ST7: variants seen among roughly 807,000 people sequenced by gnomAD.
The protein encoded by ST7 is suppressor of tumorigenicity 7 protein.
A neutral mutation model predicts 78.7 loss-of-function variants in ST7; 28 were observed. The observed-to-expected ratio is 0.36, with a 90% CI of 0.26 to 0.49. The LOEUF (loss-of-function observed/expected upper bound fraction) is 0.49. ST7 is among the 20% of genes least tolerant of loss of function. The pLI, the probability that ST7 is intolerant of heterozygous loss-of-function variation, is 0.99. For missense variants in ST7, 418 were observed against 696.0 expected (o/e 0.60, Z 4.49); for synonymous variants, 247 against 249.6 (o/e 0.99, Z 0.10).
At chr7:116,959,929 G>A (rs1287833119) in intron 1 of ST7, 1 of 153,414 alleles carries the variant, frequency 6.5e-6, no homozygotes, top group Middle Eastern at 7.6e-4. Context: ...TGAGTGCAAA[G>A]TGTAGCACCA....
At chr7:117,208,925 GT>G (rs879876361) in intron 12 of ST7, among the ~76,000 whole-genome samples, 1,586 of 151,386 alleles carry the variant, frequency 0.01, 26 homozygotes, top group Middle Eastern at 0.034. Flanking sequence ...GTGTGTGTGT[GT>G]GTGTGTGTGT....
At chr7:117,086,485 A>G (rs1034619134) in intron 1 of ST7, among the ~76,000 whole-genome samples, 5 of 152,274 alleles carry the variant, frequency 3.3e-5, no homozygotes, top group Non-Finnish European at 5.9e-5. Context: ...TCTGCATTAC[A>G]GATGAATAGA....
chr7:117,171,024 T>C, intron 10 of ST7, 48 bp downstream of exon 10: 2 of 1,300,328 alleles, frequency 1.5e-6, no homozygotes, highest in Non-Finnish European at 2.2e-6. Flanking sequence ...TCTTTTGATG[T>C]ATTTTCCCTG....
chr7:117,050,110 G>A (rs996782621), intron 1 of ST7, among the ~76,000 whole-genome samples: 1 of 151,752 alleles, frequency 6.6e-6, no homozygotes. Flanking sequence ...AGCTACTCGG[G>A]AGGCTGAGCC....
intron 9 of ST7, among the ~76,000 whole-genome samples, chr7:117,147,797 C>A (rs1805924174): frequency 6.6e-6 from 1 of 152,100 alleles, no homozygotes; most frequent in Non-Finnish European, 1.5e-5. Context: ...TGATCCTAAG[C>A]ATTTTTAAAT....
chr7:117,032,239 A>G (rs1796639142), intron 1 of ST7, among the ~76,000 whole-genome samples: 1 of 152,072 alleles, frequency 6.6e-6, no homozygotes, highest in Non-Finnish European at 1.5e-5. Flanking sequence ...AACATTTAAA[A>G]ATTATGTTTA....
chr7:117,178,359 G>A (rs745913889), intron 10 of ST7, among the ~76,000 whole-genome samples: 3 of 152,288 alleles, frequency 2.0e-5, no homozygotes, highest in South Asian at 4.1e-4. Flanking sequence ...CAGGCGAAGC[G>A]AGATGAATCA....
chr7:117,160,085 T>C (rs1708621826), intron 9 of ST7, among the ~76,000 whole-genome samples: 1 of 150,512 alleles, frequency 6.6e-6, no homozygotes, highest in Admixed American at 6.6e-5. Context: ...TAATTTAATT[T>C]AATTCTTCAG....
chr7:117,185,035 A>G (rs1809125800), intron 10 of ST7, among the ~76,000 whole-genome samples: 1 of 152,190 alleles, frequency 6.6e-6, no homozygotes, highest in African/African-American at 2.4e-5. Flanking sequence ...GGAGGTGCTC[A>G]TGGAGCAGGC....
intron 9 of ST7, among the ~76,000 whole-genome samples, chr7:117,151,898 T>A (rs1806273900): frequency 6.6e-6 from 1 of 151,900 alleles, no homozygotes; most frequent in South Asian, 2.1e-4. Flanking sequence ...GGCAGGTGGA[T>A]CACTTGAGGT....
At chr7:117,196,737 C>T (rs1810355245) in intron 12 of ST7, among the ~76,000 whole-genome samples, 1 of 145,398 alleles carries the variant, frequency 6.9e-6, no homozygotes, top group African/African-American at 2.6e-5. Flanking sequence ...CTCTATTCCA[C>T]AGGTTACCTT....
At chr7:117,173,540 G>A (rs1022657714) in intron 10 of ST7, 5 of 152,244 alleles carry the variant, frequency 3.3e-5, no homozygotes, top group Non-Finnish European at 7.3e-5. Flanking sequence ...TGAGTTGCTG[G>A]TTCCTTATCT....
At chr7:116,955,156 A>G (rs916959434) in intron 1 of ST7, 1 of 470,306 alleles carries the variant, frequency 2.1e-6, no homozygotes, top group Non-Finnish European at 4.4e-6. Context: ...TTAGACAAGT[A>G]TGTCTCCAGG....
At chr7:116,962,987 A>AT (rs943193667) in intron 1 of ST7, among the ~76,000 whole-genome samples, 2 of 152,306 alleles carry the variant, frequency 1.3e-5, no homozygotes, top group African/African-American at 4.8e-5. Flanking sequence ...TGTAAAATGA[A>AT]TAAGTGCTTT....
chr7:117,056,293 G>T (rs548884354), intron 1 of ST7, among the ~76,000 whole-genome samples: 5 of 152,166 alleles, frequency 3.3e-5, no homozygotes, highest in Non-Finnish European at 5.9e-5. Context: ...GTGCAGTGCT[G>T]CTGAGTATAT....
intron 12 of ST7, among the ~76,000 whole-genome samples, chr7:117,200,942 G>A (rs1186771474): frequency 6.6e-6 from 1 of 151,764 alleles, no homozygotes; most frequent in Non-Finnish European, 1.5e-5. Context: ...TGCTAATGGA[G>A]TACCTACAGG....
intron 12 of ST7, 73 bp from the exon 13 acceptor site, chr7:117,209,714 C>T: frequency 6.6e-7 from 1 of 1,523,668 alleles, no homozygotes; most frequent in Non-Finnish European, 8.8e-7. Context: ...GGGAAATCAA[C>T]TGCTCTATTT....
intron 1 of ST7, among the ~76,000 whole-genome samples, chr7:117,050,709 T>C (rs1797742093): frequency 6.6e-6 from 1 of 152,086 alleles, no homozygotes; most frequent in Admixed American, 6.5e-5. Flanking sequence ...GGCGAGTGGA[T>C]CACGAGGTCA....
At chr7:117,039,563 G>C (rs1797096141) in intron 1 of ST7, among the ~76,000 whole-genome samples, 1 of 148,878 alleles carries the variant, frequency 6.7e-6, no homozygotes, top group Non-Finnish European at 1.5e-5. Context: ...GACAGAGTGA[G>C]ACCCTGTCTG....
Sources: allele counts gnomAD v4.1 joint callset (sites outside exome capture counted in the v4.1 genomes callset), GRCh38; gene constraint gnomAD v4.1.1; transcripts MANE v1.5; gene names NCBI Gene and HGNC (gene_info 2026-07-23, HGNC 2026-07-21).